CTNND2: variants seen among roughly 807,000 people sequenced by gnomAD.
CTNND2 encodes the protein catenin delta-2.
CTNND2 carries 22 observed loss-of-function variants against 144.4 expected under a neutral mutation model. The ratio of observed to expected loss-of-function variants is 0.15; its 90% CI spans 0.11 to 0.22. CTNND2 has a LOEUF of 0.22. Among genes scored for constraint, CTNND2 ranks in the 10% least tolerant of loss-of-function variants. The pLI is 1.00. For missense variants in CTNND2, 1,353 were observed against 1,618.8 expected (o/e 0.84, Z 2.82); for synonymous variants, 751 against 695.6 (o/e 1.08, Z -1.25).
intron 2 of CTNND2, among the ~76,000 whole-genome samples, chr5:11,599,283 G>C (rs1779665951): frequency 6.6e-6 from 1 of 152,020 alleles, no homozygotes; most frequent in Non-Finnish European, 1.5e-5. Context: ...TGATAACATA[G>C]CAATATTTCC....
At chr5:10,998,499 T>C (rs1480203842) in intron 18 of CTNND2, among the ~76,000 whole-genome samples, 1 of 152,192 alleles carries the variant, frequency 6.6e-6, no homozygotes, top group African/African-American at 2.4e-5. Context: ...GAAGAGGTGA[T>C]CTTCTCCATC....
chr5:10,977,256 C>T (rs1318827584), intron 21 of CTNND2, among the ~76,000 whole-genome samples: 1 of 152,168 alleles, frequency 6.6e-6, no homozygotes. Context: ...ACTAAGGACA[C>T]CAGGAAGGAA....
intron 9 of CTNND2, among the ~76,000 whole-genome samples, chr5:11,237,238 C>G (rs1352608865): frequency 2.0e-5 from 3 of 152,072 alleles, no homozygotes; most frequent in Non-Finnish European, 4.4e-5. Context: ...CCAGGATGAT[C>G]TCGATCTCCT....
At chr5:11,544,911 G>C (rs1288766897) in intron 3 of CTNND2, among the ~76,000 whole-genome samples, 1 of 151,982 alleles carries the variant, frequency 6.6e-6, no homozygotes, top group African/African-American at 2.4e-5. Flanking sequence ...GAGGTCAGGA[G>C]TTCAAGACTA....
At chr5:11,825,748 G>T (rs918751174) in intron 1 of CTNND2, among the ~76,000 whole-genome samples, 42 of 152,034 alleles carry the variant, frequency 2.8e-4, no homozygotes, top group African/African-American at 9.6e-4. Context: ...AAAAGAGAAA[G>T]AAATATTACC....
intron 2 of CTNND2, among the ~76,000 whole-genome samples, chr5:11,572,695 G>C (rs915518336): frequency 1.3e-5 from 2 of 152,026 alleles, no homozygotes; most frequent in Non-Finnish European, 2.9e-5. Context: ...CCAGTGGCCC[G>C]CTACAGTCCC....
intron 16 of CTNND2, among the ~76,000 whole-genome samples, chr5:11,067,090 T>A (rs974324044): frequency 6.6e-6 from 1 of 152,150 alleles, no homozygotes; most frequent in Admixed American, 6.5e-5. Flanking sequence ...GAAGAGCTTA[T>A]GAAAAATCCT....
chr5:11,233,907 T>G (rs1741328508), intron 10 of CTNND2, among the ~76,000 whole-genome samples: 1 of 152,180 alleles, frequency 6.6e-6, no homozygotes, highest in Non-Finnish European at 1.5e-5. Context: ...CAACTCAGGA[T>G]CAGGGTGCGC....
chr5:11,861,883 T>C (rs1463555953), intron 1 of CTNND2, among the ~76,000 whole-genome samples: 2 of 152,154 alleles, frequency 1.3e-5, no homozygotes, highest in Non-Finnish European at 2.9e-5. Context: ...GGGACCCAAT[T>C]TACTGTATCT....
At chr5:11,585,484 A>ATGTCTATC (rs143081845) in intron 2 of CTNND2, among the ~76,000 whole-genome samples, 1 of 149,994 alleles carries the variant, frequency 6.7e-6, no homozygotes, top group Admixed American at 6.7e-5. Context: ...TTATCTATGT[A>ATGTCTATC]TATCTATCTA....
Position 11,011,222 on chromosome 5 carries a change from T to C in CTNND2, c.3084+6752A>G, listed in dbSNP as rs547831095. On this transcript the variant is annotated intron_variant, in intron 18 of 21. Coordinates refer to ENST00000304623, the MANE Select transcript of CTNND2 (RefSeq NM_001332.4). Reference sequence around the variant, plus strand: ...CTATGGATTTTATTTATTTTTTATTTTTATTTTTTGAGACAGGGCCTCACT... The same window carrying C: ...CTATGGATTTTATTTATTTTTTATTCTTATTTTTTGAGACAGGGCCTCACT... 3.3e-5 allele frequency among the ~76,000 whole-genome samples: 5 copies of C among 152,320 alleles called. No homozygotes were observed. In the South Asian group the frequency reaches 8.3e-4, roughly 25 times the overall value.
chr5:11,159,542 T>A (rs768075195), intron 12 of CTNND2, 34 bp downstream of exon 12: 2 of 1,542,648 alleles, frequency 1.3e-6, no homozygotes, highest in Non-Finnish European at 8.8e-7. Flanking sequence ...CAGGGGAAGA[T>A]GGTGGGAGGA....
chr5:11,199,353 C>A (rs1301753456), intron 11 of CTNND2, 95 bp downstream of exon 11: 2 of 1,135,080 alleles, frequency 1.8e-6, no homozygotes, highest in Non-Finnish European at 2.6e-6. Flanking sequence ...TATTAGAACA[C>A]CACAATATTT....
intron 3 of CTNND2, among the ~76,000 whole-genome samples, chr5:11,435,959 C>T (rs1378731832): frequency 1.3e-5 from 2 of 151,930 alleles, no homozygotes; most frequent in African/African-American, 2.4e-5. Flanking sequence ...TGTATAATGG[C>T]GAAGATAAAA....
intron 9 of CTNND2, among the ~76,000 whole-genome samples, chr5:11,266,775 T>C (rs909329754): frequency 5.3e-5 from 8 of 152,226 alleles, no homozygotes; most frequent in Admixed American, 5.2e-4. Flanking sequence ...CATATTTTAA[T>C]AAAGAAGCTG....
At chr5:11,547,893 C>T (rs373430606) in intron 3 of CTNND2, among the ~76,000 whole-genome samples, 24 of 152,124 alleles carry the variant, frequency 1.6e-4, no homozygotes, top group African/African-American at 5.3e-4. Flanking sequence ...CTTCTGTGCC[C>T]GCCCAAGAAA....
chr5:11,582,032 T>C (rs1398978815), intron 2 of CTNND2, among the ~76,000 whole-genome samples: 1 of 152,128 alleles, frequency 6.6e-6, no homozygotes, highest in East Asian at 1.9e-4. Flanking sequence ...AGGACTGAGA[T>C]TAACAAAGGA....
chr5:11,110,775 C>T, intron 14 of CTNND2, 83 bp downstream of exon 14: 8 of 1,305,436 alleles, frequency 6.1e-6, no homozygotes, highest in Non-Finnish European at 8.4e-6. Flanking sequence ...AAATGCAGGG[C>T]TCATTCTCTA....
At chr5:11,116,633 C>T (rs1753574477) in intron 13 of CTNND2, among the ~76,000 whole-genome samples, 1 of 152,208 alleles carries the variant, frequency 6.6e-6, no homozygotes, top group African/African-American at 2.4e-5. Flanking sequence ...ATAGACTTTG[C>T]TGATTTATTT....
Sources: gnomAD v4.1 joint callset for allele counts (sites outside exome capture counted in the v4.1 genomes callset) on GRCh38, gnomAD v4.1.1 for gene constraint, MANE v1.5 for transcripts, NCBI Gene and HGNC (gene_info 2026-07-23, HGNC 2026-07-21) for gene names.